Variants in HHAT observed in about 807,000 individuals in gnomAD.
HHAT encodes protein-cysteine N-palmitoyltransferase HHAT.
A neutral mutation model predicts 70.8 loss-of-function variants in HHAT; 47 were observed. That is an observed-to-expected ratio of 0.66 (90% confidence interval 0.53 to 0.85). The LOEUF is 0.85. HHAT is among the 40% of genes least tolerant of loss of function. HHAT has a pLI of 0.00. For synonymous variants in HHAT, 228 were observed against 247.6 expected, an observed-to-expected ratio of 0.92 and a Z score of 0.74; for missense variants, 609 against 604.8, an observed-to-expected ratio of 1.01 and a Z score of -0.07.
chr1:210,403,096 G>T (rs1019083195), intron 5 of HHAT, among the ~76,000 whole-genome samples: 1 of 152,210 alleles, frequency 6.6e-6, no homozygotes, highest in Non-Finnish European at 1.5e-5. Flanking sequence ...CATTTTGAAA[G>T]TTCAAGTATT....
At chr1:210,651,178 A>C (rs1675051507) in intron 11 of HHAT, among the ~76,000 whole-genome samples, 2 of 152,192 alleles carry the variant, frequency 1.3e-5, no homozygotes, top group Non-Finnish European at 2.9e-5. Flanking sequence ...TGTGCATGGC[A>C]AATGCCCCTA....
intron 10 of HHAT, among the ~76,000 whole-genome samples, chr1:210,602,518 C>A (rs951487494): frequency 4.6e-5 from 7 of 152,114 alleles, no homozygotes; most frequent in African/African-American, 1.7e-4. Context: ...ATTCTGTATC[C>A]AGGTCACGAG....
chr1:210,408,744 A>G (rs868522244), intron 6 of HHAT, among the ~76,000 whole-genome samples: 2 of 152,198 alleles, frequency 1.3e-5, no homozygotes, highest in African/African-American at 2.4e-5. Context: ...AAGGCAGTCA[A>G]TGTCCCAGAA....
At chr1:210,554,882 G>A (rs2095558382) in intron 9 of HHAT, among the ~76,000 whole-genome samples, 1 of 152,140 alleles carries the variant, frequency 6.6e-6, no homozygotes, top group South Asian at 2.1e-4. Context: ...TGTTTGTTGA[G>A]TGGGTCCCCT....
At chr1:210,498,973 T>C (rs1156371292) in intron 8 of HHAT, among the ~76,000 whole-genome samples, 2 of 152,124 alleles carry the variant, frequency 1.3e-5, no homozygotes, top group Non-Finnish European at 1.5e-5. Context: ...TTTCACCATG[T>C]TGGCCAGGAT....
At chr1:210,491,047 G>GACAC (rs938038416) in intron 8 of HHAT, among the ~76,000 whole-genome samples, 2 of 125,124 alleles carry the variant, frequency 1.6e-5, no homozygotes, top group East Asian at 2.3e-4. Flanking sequence ...ATTTTTGTGA[G>GACAC]ACACACACAC....
In HHAT at chr1:210,620,772, C is replaced by T. The variant is rs369447012; in HGVS notation, c.1246-2754C>T. On this transcript the variant is annotated intron_variant, in intron 10 of 11. Transcript: ENST00000261458. The stretch of plus-strand genomic sequence containing the variant: ...GCTTATTTAAATTTTTTTTTAATTT[C>T]TAAATTTTTAAAAAACATTTATAAA... Among the ~76,000 whole-genome samples the T allele has an allele frequency of 1.5e-4, 22 of 151,684 alleles. No individual in the cohort carries two copies. The South Asian group carries it at 4.4e-3, about 30-fold the overall frequency.
Position 210,675,324 on chromosome 1 carries a change from T to A in HHAT, c.*945T>A. On this transcript the variant is annotated 3_prime_UTR_variant, in exon 12 of 12. Transcript: ENST00000261458. Reference sequence around the variant, plus strand: ...GTAGATAATCTACATGTTTGTAGAATTATTTTGAATATGTTTGAGGAAAAT... The same window carrying A: ...GTAGATAATCTACATGTTTGTAGAAATATTTTGAATATGTTTGAGGAAAAT... The A allele has an allele frequency of 6.6e-6, 1 of 152,244 alleles. No homozygotes were observed. The highest frequency in any genetic ancestry group is 1.9e-4 in the East Asian group (1 of 5,194). The allele number at this position is 152,244 out of a possible 1,614,324, so 9.4% of individuals were successfully genotyped here.
intron 10 of HHAT, among the ~76,000 whole-genome samples, chr1:210,622,164 G>A (rs1288154318): frequency 1.3e-5 from 2 of 152,152 alleles, no homozygotes; most frequent in Admixed American, 6.5e-5. Flanking sequence ...GTCATGAATT[G>A]CATCGGCTGC....
Position 210,538,048 on chromosome 1 carries a change from T to TC in HHAT, c.1043+24862dup, listed in dbSNP as rs555032565. Among the ~76,000 whole-genome samples, 14 of 152,034 alleles carry TC rather than the reference T, an allele frequency of 9.2e-5. No homozygotes were observed. In the South Asian group the frequency reaches 2.9e-3, roughly 32 times the overall value. ...CTTTTTGTATTACAAGGCTTTTTTT[T>TC]CCTTTAAACAATTGTACACATTTTG... On this transcript the variant is annotated intron_variant, in intron 9 of 11. Coordinates refer to ENST00000261458, the MANE Select transcript of HHAT (RefSeq NM_018194.6).
chr1:210,633,371 C>G (rs74158953), intron 11 of HHAT, among the ~76,000 whole-genome samples: 6,747 of 152,222 alleles, frequency 0.044, 243 homozygotes, highest in African/African-American at 0.098. Context: ...AATGCCCGGT[C>G]GCAGCAATGT....
chr1:210,616,950 A>G (rs1186605691), intron 10 of HHAT, among the ~76,000 whole-genome samples: 2 of 152,256 alleles, frequency 1.3e-5, no homozygotes, highest in Non-Finnish European at 2.9e-5. Context: ...ATAGAAACAC[A>G]GAAATTGGGT....
intron 9 of HHAT, among the ~76,000 whole-genome samples, chr1:210,562,657 C>T (rs573423922): frequency 0.012 from 1,622 of 135,680 alleles, 32 homozygotes; most frequent in African/African-American, 0.053. Flanking sequence ...TTTTTCTTTT[C>T]TTTTTTTTTT....
In HHAT at chr1:210,464,719, G is replaced by A. The variant is rs2094061486; in HGVS notation, c.1007+64G>A. On this transcript the variant is annotated intron_variant, in intron 8 of 11. Transcript: ENST00000261458. ...CAGTGGGAGGAGCATGGCTGGGCCG[G>A]CCTCAAAGGGTTCGGGCTACTATCC... 2.1e-5 allele frequency: 33 copies of A among 1,569,262 alleles called. 1 individual carries two copies. In the East Asian group the frequency reaches 6.1e-4, roughly 29 times the overall value.
At chr1:210,656,231 C>T (rs868000672) in intron 11 of HHAT, among the ~76,000 whole-genome samples, 1 of 152,144 alleles carries the variant, frequency 6.6e-6, no homozygotes, top group Non-Finnish European at 1.5e-5. Flanking sequence ...ATCTTCATGT[C>T]CCCATGTGGA....
chr1:210,440,140 G>T (rs545777354), intron 7 of HHAT, among the ~76,000 whole-genome samples: 1 of 151,668 alleles, frequency 6.6e-6, no homozygotes, highest in Admixed American at 6.6e-5. Context: ...CATTCTTTAC[G>T]CTCTGCTTGG....
At chr1:210,601,970 AGTGT>A (rs10646355) in intron 10 of HHAT, among the ~76,000 whole-genome samples, 2 of 149,366 alleles carry the variant, frequency 1.3e-5, no homozygotes, top group Non-Finnish European at 1.5e-5. Flanking sequence ...TGTGTGTGAG[AGTGT>A]GTGTGTGTGT....
chr1:210,411,815 T>A (rs1470042080), intron 6 of HHAT, among the ~76,000 whole-genome samples: 1 of 146,306 alleles, frequency 6.8e-6, no homozygotes. Context: ...TGCCTCTACA[T>A]GTCTTACATG....
At position 210,448,196 on chromosome 1, in the gene HHAT, C is replaced by G. The variant is rs544433685; in HGVS notation, c.857-16309C>G. ...TTCCTGGTTCAAGTGATTCTCCTGGCTCAGCTGCCTGAGTAGCTGGGACTG... is the reference window on the plus strand; with the variant it reads ...TTCCTGGTTCAAGTGATTCTCCTGGGTCAGCTGCCTGAGTAGCTGGGACTG... On this transcript the variant is annotated intron_variant, in intron 7 of 11. Transcript: ENST00000261458. 4.6e-5 allele frequency among the ~76,000 whole-genome samples: 7 copies of G among 151,816 alleles called. No individual in the cohort carries two copies. The South Asian group carries it at 1.5e-3, about 32-fold the overall frequency.
Sources: gnomAD v4.1 joint callset for allele counts (sites outside exome capture counted in the v4.1 genomes callset) on GRCh38, gnomAD v4.1.1 for gene constraint, MANE v1.5 for transcripts, NCBI Gene and HGNC (gene_info 2026-07-23, HGNC 2026-07-21) for gene names.